Variants in VIPR2 observed in about 807,000 individuals in gnomAD.
VIPR2 encodes the protein vasoactive intestinal polypeptide receptor 2.
Under a neutral mutation model 58.0 loss-of-function variants are expected in VIPR2, and 48 were observed. That is an observed-to-expected ratio of 0.83 (90% CI 0.66 to 1.05). The LOEUF is 1.05. VIPR2 is among the 50% of genes least tolerant of loss of function. VIPR2 has a pLI of 0.00. For missense variants in VIPR2, 534 were observed against 558.0 expected (o/e 0.96, Z 0.43); for synonymous variants, 243 against 235.2 (o/e 1.03, Z -0.30).
At chr7:159,068,619 T>C (rs58913678) in intron 4 of VIPR2, among the ~76,000 whole-genome samples, 3,133 of 152,114 alleles carry the variant, frequency 0.021, 116 homozygotes, top group African/African-American at 0.072. Context: ...CAGGCCTGAG[T>C]GTGAGGGAGA....
chr7:159,109,924 A>G lies in VIPR2; in HGVS notation c.152-5T>C. 4.3e-6 allele frequency: 7 copies of G among 1,612,944 alleles called. No individual in the cohort carries two copies. Among genetic ancestry groups the G allele is most frequent in the Non-Finnish European group, 5.9e-6 (7 of 1,179,964 alleles). On this transcript the variant is annotated splice_region_variant and splice_polypyrimidine_tract_variant and intron_variant, in intron 2 of 12. Coordinates refer to ENST00000262178, the MANE Select transcript of VIPR2 (RefSeq NM_003382.5). ...TGTCCCAGACGCCACTGCAGGCTGG[A>G]AGGAGAGAAGCAGAGTGAGGCAGGT...
At chr7:159,087,357 A>C (rs1263152031) in intron 4 of VIPR2, among the ~76,000 whole-genome samples, 2 of 80,516 alleles carry the variant, frequency 2.5e-5, no homozygotes, top group Admixed American at 1.2e-4. Flanking sequence ...CAAACAATAC[A>C]CAGGATCCTC....
intron 4 of VIPR2, among the ~76,000 whole-genome samples, chr7:159,086,665 T>A (rs753835786): frequency 6.6e-5 from 10 of 152,212 alleles, no homozygotes; most frequent in Non-Finnish European, 1.2e-4. Context: ...GCGCTGATTC[T>A]CCATGGCCAG....
chr7:159,125,675 G>A (rs1563349031), intron 2 of VIPR2, among the ~76,000 whole-genome samples: 1 of 152,218 alleles, frequency 6.6e-6, no homozygotes, highest in Non-Finnish European at 1.5e-5. Context: ...ATTGGCAGCA[G>A]TTTAGCATGA....
At chr7:159,058,376 G>T in intron 5 of VIPR2, 105 bp downstream of exon 5, 1 of 861,150 alleles carries the variant, frequency 1.2e-6, no homozygotes, top group Non-Finnish European at 1.9e-6. Context: ...GAGTCTTATT[G>T]GCTTAGCACA....
chr7:159,082,440 G>A (rs1856955042), intron 4 of VIPR2, among the ~76,000 whole-genome samples: 1 of 151,724 alleles, frequency 6.6e-6, no homozygotes, highest in African/African-American at 2.4e-5. Flanking sequence ...ACAGGAAGGG[G>A]AACATCACAC....
At chr7:159,126,405 A>C (rs1176201365) in intron 2 of VIPR2, among the ~76,000 whole-genome samples, 1 of 152,250 alleles carries the variant, frequency 6.6e-6, no homozygotes, top group Non-Finnish European at 1.5e-5. Flanking sequence ...GCTGGGTATG[A>C]TATGCCAAAT....
intron 1 of VIPR2, chr7:159,144,165 C>T: frequency 1.2e-6 from 1 of 801,960 alleles, no homozygotes; most frequent in Non-Finnish European, 1.7e-6. Context: ...TAATTCAGAA[C>T]TCCATGTGCG....
intron 10 of VIPR2, among the ~76,000 whole-genome samples, 190 bp from the exon 11 acceptor site, chr7:159,032,257 T>C (rs1246302693): frequency 6.6e-6 from 1 of 152,182 alleles, no homozygotes; most frequent in Non-Finnish European, 1.5e-5. Flanking sequence ...CCTGTGCATA[T>C]CTAGCACTCA....
At chr7:159,143,462 T>C (rs1235087305) in intron 1 of VIPR2, among the ~76,000 whole-genome samples, 1 of 152,114 alleles carries the variant, frequency 6.6e-6, no homozygotes, top group Non-Finnish European at 1.5e-5. Context: ...CTATGTTTAG[T>C]TATCTTACTA....
intron 2 of VIPR2, among the ~76,000 whole-genome samples, chr7:159,139,856 G>A (rs1324899747): frequency 6.6e-6 from 1 of 152,276 alleles, no homozygotes; most frequent in Non-Finnish European, 1.5e-5. Flanking sequence ...TCAGGGACCT[G>A]TGCCTTCCAC....
intron 3 of VIPR2, among the ~76,000 whole-genome samples, chr7:159,105,252 C>G (rs536968740): frequency 2.0e-5 from 3 of 152,298 alleles, no homozygotes; most frequent in Non-Finnish European, 2.9e-5. Flanking sequence ...GTCACCCCCA[C>G]AGCAGAGCCC....
intron 10 of VIPR2, among the ~76,000 whole-genome samples, chr7:159,033,408 G>C (rs1479499520): frequency 2.6e-5 from 4 of 152,204 alleles, no homozygotes; most frequent in African/African-American, 7.2e-5. Flanking sequence ...CTGAGCCCGA[G>C]GCACCTTCTG....
intron 2 of VIPR2, among the ~76,000 whole-genome samples, chr7:159,132,936 T>C (rs1468952634): frequency 7.5e-5 from 11 of 146,308 alleles, no homozygotes; most frequent in Admixed American, 1.4e-4. Context: ...GACAGAATGA[T>C]TGGCATACAG....
At chr7:159,092,183 G>A (rs181257012) in intron 4 of VIPR2, among the ~76,000 whole-genome samples, 24 of 152,360 alleles carry the variant, frequency 1.6e-4, no homozygotes, top group African/African-American at 5.5e-4. Context: ...CTCCGCCTGA[G>A]CTGTGGACTC....
intron 4 of VIPR2, among the ~76,000 whole-genome samples, chr7:159,070,451 C>A (rs558320669): frequency 6.6e-6 from 1 of 152,138 alleles, no homozygotes; most frequent in East Asian, 1.9e-4. Flanking sequence ...GTTGTTTATG[C>A]CCAGTTTCTC....
At chr7:159,064,261 C>T (rs1308072520) in intron 4 of VIPR2, among the ~76,000 whole-genome samples, 1 of 151,930 alleles carries the variant, frequency 6.6e-6, no homozygotes, top group Admixed American at 6.5e-5. Flanking sequence ...CGGTCCCCTG[C>T]CCCGGAGCCA....
chr7:159,136,462 C>G (rs1321189975), intron 2 of VIPR2, among the ~76,000 whole-genome samples: 2 of 152,094 alleles, frequency 1.3e-5, no homozygotes, highest in Non-Finnish European at 2.9e-5. Flanking sequence ...ATGTGAGAGT[C>G]GAAGCCACCA....
Position 159,031,579 on chromosome 7 carries a change from G to A in VIPR2, c.1143+249C>T. 3 of 985,384 alleles carry A rather than the reference G, an allele frequency of 3.0e-6. No homozygotes were observed. The highest frequency in any genetic ancestry group is 3.6e-6 in the Non-Finnish European group (3 of 829,934). The allele number at this position is 985,384 out of a possible 1,614,324, so 61.0% of individuals were successfully genotyped here. On this transcript the variant is annotated intron_variant, in intron 12 of 12. Transcript: ENST00000262178. The surrounding 1 kb of genome is among the most constrained non-coding windows in gnomAD (Gnocchi z 4.0). ...CCGGGAGCTTTCCCGAGAGGGCTCC[G>A]AGACGGACGGCAGTCGATGCTACTT...
Sources: gnomAD v4.1 joint callset for allele counts (sites outside exome capture counted in the v4.1 genomes callset) on GRCh38, gnomAD v4.1.1 for gene constraint, Gnocchi (gnomAD v3.1) non-coding constraint, MANE v1.5 for transcripts, NCBI Gene and HGNC (gene_info 2026-07-23, HGNC 2026-07-21) for gene names.